HAPLN3: variants seen among roughly 807,000 people sequenced by gnomAD.
HAPLN3 encodes the protein extracellular link domain containing, 1.
In HAPLN3, 28 loss-of-function variants were observed where a neutral mutation model predicts 28.1. That is an observed-to-expected ratio of 1.00 (90% confidence interval 0.74 to 1.37). The LOEUF (loss-of-function observed/expected upper bound fraction) is 1.37. HAPLN3 is among the 40% of genes most tolerant of loss of function. HAPLN3 has a pLI of 0.00. For synonymous variants in HAPLN3, 211 were observed against 213.1 expected, an observed-to-expected ratio of 0.99 and a Z score of 0.09; for missense variants, 513 against 504.6, an observed-to-expected ratio of 1.02 and a Z score of -0.16.
At chr15:88,892,286 G>A (rs1431552637) in intron 1 of HAPLN3, among the ~76,000 whole-genome samples, 3 of 151,844 alleles carry the variant, frequency 2.0e-5, no homozygotes, top group African/African-American at 4.8e-5. Context: ...GTAAAACCCC[G>A]TCTCTACTAA....
At chr15:88,884,551 G>A (rs7170063) in intron 2 of HAPLN3, among the ~76,000 whole-genome samples, 2 of 152,022 alleles carry the variant, frequency 1.3e-5, no homozygotes, top group East Asian at 1.9e-4. Flanking sequence ...GTGACAGAGC[G>A]AGACTCTGTC....
intron 1 of HAPLN3, among the ~76,000 whole-genome samples, chr15:88,892,365 G>A (rs1008931475): frequency 6.6e-6 from 1 of 152,048 alleles, no homozygotes; most frequent in Non-Finnish European, 1.5e-5. Flanking sequence ...GCTGAGGCAG[G>A]AGAATTGCTT....
At chr15:88,887,035 G>A in intron 2 of HAPLN3, 140 bp downstream of exon 2, 4 of 899,380 alleles carry the variant, frequency 4.4e-6, no homozygotes, top group Non-Finnish European at 7.3e-6. Flanking sequence ...TGTCTGAGAA[G>A]CAAGCTGGCC....
At chr15:88,893,397 G>T (rs143893524) in intron 1 of HAPLN3, among the ~76,000 whole-genome samples, 30 of 151,066 alleles carry the variant, frequency 2.0e-4, no homozygotes, top group Non-Finnish European at 4.1e-4. Context: ...CAGACTGGCC[G>T]ACAGAGCAAG....
chr15:88,887,551 G>A (rs1365509889), intron 1 of HAPLN3, among the ~76,000 whole-genome samples: 1 of 152,198 alleles, frequency 6.6e-6, no homozygotes, highest in African/African-American at 2.4e-5. Context: ...TACCCCGAAG[G>A]CAAGACGGGA....
At chr15:88,883,830 C>T (rs1401700373) in intron 2 of HAPLN3, among the ~76,000 whole-genome samples, 2 of 152,204 alleles carry the variant, frequency 1.3e-5, no homozygotes, top group African/African-American at 4.8e-5. Context: ...GTAATCCTAG[C>T]ACTTTGGGAG....
At chr15:88,890,839 A>G (rs564238595) in intron 1 of HAPLN3, among the ~76,000 whole-genome samples, 1 of 152,048 alleles carries the variant, frequency 6.6e-6, no homozygotes. Context: ...GTCCTATGAG[A>G]GAGAAACAGA....
intron 1 of HAPLN3, among the ~76,000 whole-genome samples, chr15:88,891,595 G>A (rs558664320): frequency 1.3e-5 from 2 of 152,330 alleles, no homozygotes; most frequent in South Asian, 2.1e-4. Flanking sequence ...ACCACACCTG[G>A]TATCTCTCAT....
At chr15:88,886,897 G>A (rs1419931848) in intron 2 of HAPLN3, among the ~76,000 whole-genome samples, 4 of 152,208 alleles carry the variant, frequency 2.6e-5, no homozygotes, top group African/African-American at 9.6e-5. Flanking sequence ...GGGGGACCAG[G>A]GGAGGACACA....
At chr15:88,892,146 A>AG (rs1025914982) in intron 1 of HAPLN3, among the ~76,000 whole-genome samples, 3 of 152,138 alleles carry the variant, frequency 2.0e-5, no homozygotes, top group Admixed American at 1.3e-4. Flanking sequence ...CCTCACATTG[A>AG]GGGGGATGCC....
In HAPLN3 at chr15:88,895,031, G is replaced by C. The variant is rs575752560; in HGVS notation, c.-48+428C>G. On this transcript the variant is annotated intron_variant, in intron 1 of 4. Coordinates refer to ENST00000359595, the MANE Select transcript of HAPLN3 (RefSeq NM_178232.4). The surrounding 1 kb of genome is among the most constrained non-coding windows in gnomAD (Gnocchi z 5.5). ...CCCTCAGCCCCTCCCAGGACTCCCG[G>C]GGCCCCCGGAGCATCCAACAGATAC... 6.6e-6 allele frequency among the ~76,000 whole-genome samples: 1 copy of C among 152,340 alleles called. No individual in the cohort carries two copies. The highest frequency in any genetic ancestry group is 1.5e-5 in the Non-Finnish European group (1 of 68,032).
rs903593139 is a variant in HAPLN3, at chr15:88,881,869, T to C, written c.125-144A>G. ...TGCTCCACCCCTCCCTGTATCCACA[T>C]GCTCTGCAATGTGACTTTGCATCTC... On this transcript the variant is annotated intron_variant, in intron 2 of 4. Transcript: ENST00000359595. This position sits in a 1 kb window ranked among gnomAD's most constrained non-coding sequence, Gnocchi z 6.0. The C allele has an allele frequency of 3.0e-4, 219 of 740,676 alleles. No homozygotes were observed. The highest frequency in any genetic ancestry group is 1.4e-3 in the Admixed American group (48 of 34,588). The allele number at this position is 740,676 out of a possible 1,614,324, so 45.9% of individuals were successfully genotyped here.
At chr15:88,882,020 C>G (rs1897719721) in intron 2 of HAPLN3, among the ~76,000 whole-genome samples, 2 of 152,190 alleles carry the variant, frequency 1.3e-5, no homozygotes, top group South Asian at 4.1e-4. Flanking sequence ...AGCATAGGTC[C>G]CAGGGGGCCT....
rs1472226670 is a variant in HAPLN3, at chr15:88,879,572, T to A, written c.494-303A>T. The A allele has an allele frequency of 4.4e-6, 6 of 1,375,374 alleles. No individual in the cohort carries two copies. Among genetic ancestry groups the A allele is most frequent in the Non-Finnish European group, 4.8e-6 (5 of 1,044,158 alleles). The allele number at this position is 1,375,374 out of a possible 1,614,324, so 85.2% of individuals were successfully genotyped here. The stretch of plus-strand genomic sequence containing the variant: ...GCTGTCGCCAGACCCCCAGTGAGGC[T>A]GTGCCATCTTCTCCAGACAGGCCCG... On this transcript the variant is annotated intron_variant, in intron 3 of 4. Coordinates refer to ENST00000359595, the MANE Select transcript of HAPLN3 (RefSeq NM_178232.4). This position sits in a 1 kb window ranked among gnomAD's most constrained non-coding sequence, Gnocchi z 5.0.
chr15:88,888,597 C>A lies in HAPLN3; in HGVS notation c.-47-1252G>T, dbSNP rs544777905. Reference sequence around the variant, plus strand: ...TTAAATCTCACACCAAGGGCTACTGCCTCACTCATGTCACCCTAGCCCTGC... The same window carrying A: ...TTAAATCTCACACCAAGGGCTACTGACTCACTCATGTCACCCTAGCCCTGC... On this transcript the variant is annotated intron_variant, in intron 1 of 4. Transcript: ENST00000359595. The surrounding 1 kb of genome is among the most constrained non-coding windows in gnomAD (Gnocchi z 4.1). 6.6e-6 allele frequency among the ~76,000 whole-genome samples: 1 copy of A among 152,278 alleles called. No homozygotes were observed. The highest frequency in any genetic ancestry group is 1.9e-4 in the East Asian group (1 of 5,190).
chr15:88,881,405 T>A lies in HAPLN3; in HGVS notation c.445A>T (p.Ile149Phe), dbSNP rs1463615490. 2 of 1,613,824 alleles carry A rather than the reference T, an allele frequency of 1.2e-6. No individual in the cohort carries two copies. Among genetic ancestry groups the A allele is most frequent in the Admixed American group, 1.7e-5 (1 of 60,016 alleles). The change falls in exon 3 of 5, where the codon ATT becomes TTT. Residue 149 changes from isoleucine to phenylalanine, a missense_variant. Transcript: ENST00000359595. This position sits in a 1 kb window ranked among gnomAD's most constrained non-coding sequence, Gnocchi z 6.0. ...EDYGRYRCEV[I>F]DGLEDESGLV... ...CCGCTTTCATCCTCCAGCCCGTCAA[T>A]GACCTCACAGCGGTAACGCCCATAG...
chr15:88,878,292 G>T (rs1199242261), intron 4 of HAPLN3, 36 bp from the exon 5 acceptor site: 1 of 1,570,976 alleles, frequency 6.4e-7, no homozygotes, highest in Admixed American at 1.8e-5. Context: ...GTACAGCGCA[G>T]GGGGCAGCCA....
At chr15:88,887,143 G>T (rs376420630) in intron 2 of HAPLN3, 32 bp downstream of exon 2, 2 of 1,612,610 alleles carry the variant, frequency 1.2e-6, no homozygotes, top group Admixed American at 1.7e-5. Context: ...TCACCCAGGG[G>T]AGCAAAGAGC....
chr15:88,887,503 G>C (rs975299399), intron 1 of HAPLN3, among the ~76,000 whole-genome samples, 158 bp from the exon 2 acceptor site: 1 of 152,258 alleles, frequency 6.6e-6, no homozygotes, highest in African/African-American at 2.4e-5. Context: ...GAAGACAGCA[G>C]TGACAAGCTA....
Sources: gnomAD v4.1 joint callset for allele counts (sites outside exome capture counted in the v4.1 genomes callset) on GRCh38, gnomAD v4.1.1 for gene constraint, Gnocchi (gnomAD v3.1) non-coding constraint, MANE v1.5 for transcripts, NCBI Gene and HGNC (gene_info 2026-07-23, HGNC 2026-07-21) for gene names.